The following CPEB1 variants were observed in gnomAD, a reference collection of about 807,000 sequenced individuals.
CPEB1 encodes cytoplasmic polyadenylation element binding protein 1.
A neutral mutation model predicts 65.8 loss-of-function variants in CPEB1; 7 were observed. That is an observed-to-expected ratio of 0.11 (90% CI 0.06 to 0.20). The LOEUF is 0.20. CPEB1 is among the 10% of genes least tolerant of loss of function. CPEB1 has a pLI of 1.00. For missense variants in CPEB1, 551 were observed against 712.2 expected (o/e 0.77, Z 2.58); for synonymous variants, 262 against 260.0 (o/e 1.01, Z -0.08).
rs1361382028 is a variant in CPEB1, at chr15:82,556,183, A to C, written c.688-61T>G. ...CTAGTTTTGTTATAAAGTAATAATCACATTATAGAAATTATTAAAAACATC... is the reference window on the plus strand; with the variant it reads ...CTAGTTTTGTTATAAAGTAATAATCCCATTATAGAAATTATTAAAAACATC... On this transcript the variant is annotated intron_variant, in intron 5 of 12. Transcript: ENST00000684509. 14 of 1,466,736 alleles carry C rather than the reference A, an allele frequency of 9.5e-6. No homozygotes were observed. The Admixed American group carries it at 3.8e-4, about 40-fold the overall frequency. 90.9% of individuals were successfully genotyped at this position (1,466,736 alleles called of 1,614,324 possible). A position where few individuals can be genotyped will look rare whatever the true frequency, so the allele number is the denominator to read the frequency against.
chr15:82,579,805 G>A (rs969584537), intron 3 of CPEB1, among the ~76,000 whole-genome samples: 1 of 150,646 alleles, frequency 6.6e-6, no homozygotes, highest in Admixed American at 6.6e-5. Context: ...CCAGCTACTC[G>A]GGAGGCTGAG....
intron 8 of CPEB1, 46 bp downstream of exon 8, chr15:82,553,421 G>A: frequency 6.8e-7 from 1 of 1,474,344 alleles, no homozygotes; most frequent in Non-Finnish European, 9.5e-7. Context: ...CTAGGGAAGG[G>A]AAAAAAAAGC....
At chr15:82,569,799 A>T (rs1022244693) in intron 4 of CPEB1, among the ~76,000 whole-genome samples, 2 of 152,212 alleles carry the variant, frequency 1.3e-5, no homozygotes, top group African/African-American at 4.8e-5. Context: ...TGCCTTGGTC[A>T]AACACTGATC....
intron 3 of CPEB1, among the ~76,000 whole-genome samples, chr15:82,600,220 G>A (rs887860094): frequency 1.3e-5 from 2 of 152,124 alleles, no homozygotes; most frequent in African/African-American, 4.8e-5. Context: ...ACCGACTTTT[G>A]AAAACCATTG....
intron 3 of CPEB1, among the ~76,000 whole-genome samples, chr15:82,592,656 CAT>C (rs2042352169): frequency 6.6e-6 from 1 of 150,856 alleles, no homozygotes; most frequent in South Asian, 2.1e-4. Context: ...TTAAGAAGTA[CAT>C]ATCATAATTT....
upstream of CPEB1, chr15:82,648,292 A>C: frequency 6.0e-6 from 1 of 166,674 alleles, no homozygotes; most frequent in Non-Finnish European, 1.3e-5. Context: ...GGCACGATTT[A>C]CAAGCCCCTG....
intron 3 of CPEB1, among the ~76,000 whole-genome samples, chr15:82,574,027 G>T (rs950290357): frequency 2.0e-5 from 3 of 152,074 alleles, no homozygotes; most frequent in African/African-American, 7.2e-5. Flanking sequence ...CAAGCTGAAA[G>T]ACCCCAGGCC....
At chr15:82,633,890 G>C (rs1228784031) in intron 1 of CPEB1, among the ~76,000 whole-genome samples, 3 of 150,992 alleles carry the variant, frequency 2.0e-5, no homozygotes, top group Admixed American at 2.0e-4. Context: ...AAAGCAGAAA[G>C]AACACAGGCT....
chr15:82,626,705 A>G lies in CPEB1; in HGVS notation c.271+488T>C, dbSNP rs140769723. ...CGAGAGCTACACTGTCCAGTGCAGT[A>G]GCCACTAAACACCTGAAATGTCCAT... On this transcript the variant is annotated intron_variant, in intron 3 of 12. Transcript: ENST00000684509. Among the ~76,000 whole-genome samples the G allele has an allele frequency of 1.6e-3, 250 of 152,332 alleles. 1 individual carries two copies. Among genetic ancestry groups the G allele is most frequent in the African/African-American group, 5.7e-3 (238 of 41,582 alleles).
At chr15:82,551,499 T>G (rs2036249808) in intron 9 of CPEB1, among the ~76,000 whole-genome samples, 1 of 152,214 alleles carries the variant, frequency 6.6e-6, no homozygotes, top group African/African-American at 2.4e-5. Flanking sequence ...TATAATGACA[T>G]GTATCCACCA....
At chr15:82,643,107 CA>C (rs202216662) in intron 1 of CPEB1, among the ~76,000 whole-genome samples, 1,608 of 152,258 alleles carry the variant, frequency 0.011, 7 homozygotes, top group Non-Finnish European at 0.016. Context: ...TTCCCCTCCC[CA>C]GCACACTCCA....
intron 4 of CPEB1, among the ~76,000 whole-genome samples, chr15:82,559,566 C>T (rs2037835024): frequency 1.3e-5 from 2 of 152,154 alleles, no homozygotes; most frequent in Non-Finnish European, 2.9e-5. Flanking sequence ...TTATATCTAG[C>T]CAGTCTAATA....
upstream of CPEB1, chr15:82,647,824 C>A (rs1392317691): frequency 5.5e-6 from 7 of 1,282,026 alleles, no homozygotes; most frequent in Non-Finnish European, 6.9e-6. Flanking sequence ...CGGGACGCGG[C>A]CCCGCCCAGG....
At chr15:82,554,651 C>T (rs1255473691) in intron 6 of CPEB1, among the ~76,000 whole-genome samples, 1 of 152,224 alleles carries the variant, frequency 6.6e-6, no homozygotes, top group Admixed American at 6.5e-5. Flanking sequence ...TTGTACCTTT[C>T]CAAATCAGAG....
At chr15:82,577,292 C>T (rs983313833) in intron 3 of CPEB1, among the ~76,000 whole-genome samples, 9 of 152,094 alleles carry the variant, frequency 5.9e-5, no homozygotes, top group African/African-American at 2.2e-4. Flanking sequence ...CTCCTGGGCT[C>T]AAGGGATCCT....
chr15:82,544,554 C>A lies in CPEB1; in HGVS notation c.*38G>T. The A allele has an allele frequency of 6.5e-7, 1 of 1,545,976 alleles. No individual in the cohort carries two copies. Among genetic ancestry groups the A allele is most frequent in the South Asian group, 1.1e-5 (1 of 87,776 alleles). On this transcript the variant is annotated 3_prime_UTR_variant, in exon 13 of 13. Transcript: ENST00000684509. ...GCAGGCTGCTTGCCTGACCTGCCAG[C>A]TTTGGGCGCCACAGGCCACTGGGCA... is the stretch of plus-strand genomic sequence containing the variant.
chr15:82,546,628 T>TA (rs2035272107), intron 11 of CPEB1, 107 bp from the exon 12 acceptor site: 4 of 810,206 alleles, frequency 4.9e-6, no homozygotes, highest in Admixed American at 4.0e-5. Context: ...TGCGGGATAT[T>TA]GGAATGCAGG....
At chr15:82,600,480 CATCTAA>C (rs1327617235) in intron 3 of CPEB1, among the ~76,000 whole-genome samples, 2 of 151,968 alleles carry the variant, frequency 1.3e-5, no homozygotes, top group Non-Finnish European at 2.9e-5. Context: ...AAAGAGGACA[CATCTAA>C]GTCTAAGTAA....
chr15:82,595,653 T>G (rs1402448976), intron 3 of CPEB1, among the ~76,000 whole-genome samples: 1 of 152,212 alleles, frequency 6.6e-6, no homozygotes, highest in African/African-American at 2.4e-5. Context: ...CTCAATATTA[T>G]GAAAGAAAGT....
Sources: allele counts gnomAD v4.1 joint callset (sites outside exome capture counted in the v4.1 genomes callset), GRCh38; gene constraint gnomAD v4.1.1; transcripts MANE v1.5; gene names NCBI Gene and HGNC (gene_info 2026-07-23, HGNC 2026-07-21).